Variants in SAMD5 observed in about 807,000 individuals in gnomAD.
The protein encoded by SAMD5 is sterile alpha motif domain-containing protein 5.
A neutral mutation model predicts 11.3 loss-of-function variants in SAMD5; 13 were observed. That is an observed-to-expected ratio of 1.15 (90% CI 0.75 to 1.83). SAMD5 has a LOEUF of 1.83. SAMD5 is among the 40% of genes most tolerant of loss of function. The pLI is 0.00. For synonymous variants in SAMD5, 129 were observed against 111.3 expected (o/e 1.16, Z -1.00); for missense variants, 255 against 239.1 (o/e 1.07, Z -0.44).
the SAMD5 span, among the ~76,000 whole-genome samples, chr6:147,766,450 G>T: frequency 6.6e-6 from 1 of 152,104 alleles, no homozygotes; most frequent in Non-Finnish European, 1.5e-5. Flanking sequence ...AAGAGAAAAT[G>T]AGCCATTCAT....
At chr6:147,801,231 T>G in the SAMD5 span, among the ~76,000 whole-genome samples, 1 of 152,192 alleles carries the variant, frequency 6.6e-6, no homozygotes, top group African/African-American at 2.4e-5. Context: ...TGGTTTTACT[T>G]TATGGAATCC....
the SAMD5 span, among the ~76,000 whole-genome samples, chr6:147,816,302 ATAT>A: frequency 0.014 from 613 of 43,244 alleles, 13 homozygotes; most frequent in Non-Finnish European, 0.018. Flanking sequence ...AAAAAAAAAA[ATAT>A]ATATATATAT....
the SAMD5 span, among the ~76,000 whole-genome samples, chr6:147,867,045 C>G: frequency 6.6e-6 from 1 of 152,068 alleles, no homozygotes; most frequent in South Asian, 2.1e-4. Flanking sequence ...AAGATCCAAG[C>G]TAGGAAAAGG....
At chr6:147,931,277 G>A in the SAMD5 span, among the ~76,000 whole-genome samples, 1 of 152,108 alleles carries the variant, frequency 6.6e-6, no homozygotes, top group Admixed American at 6.6e-5. Flanking sequence ...GTAACTCTGG[G>A]TTGGTTATGA....
the SAMD5 span, among the ~76,000 whole-genome samples, chr6:147,909,626 T>TTC: frequency 7.3e-4 from 43 of 59,222 alleles, no homozygotes; most frequent in Middle Eastern, 5.4e-3. Context: ...CTTTCTTTCT[T>TTC]TCTTTCTCTT....
chr6:147,735,655 ATT>A (rs10710756), intron 1 of SAMD5, among the ~76,000 whole-genome samples: 21 of 147,766 alleles, frequency 1.4e-4, no homozygotes, highest in African/African-American at 4.7e-4. Context: ...CTATTTTACT[ATT>A]TTTTTTTTTT....
the SAMD5 span, among the ~76,000 whole-genome samples, chr6:147,776,973 G>C: frequency 1.3e-5 from 2 of 152,150 alleles, no homozygotes; most frequent in African/African-American, 2.4e-5. Flanking sequence ...AGATATGCCT[G>C]CAGCACATTC....
chr6:147,562,652 C>T (rs569774518), intron 1 of SAMD5, among the ~76,000 whole-genome samples: 52 of 152,244 alleles, frequency 3.4e-4, no homozygotes, highest in African/African-American at 1.2e-3. Flanking sequence ...GAAACTCCGT[C>T]TCTACTAAAA....
the SAMD5 span, among the ~76,000 whole-genome samples, chr6:147,831,342 T>A: frequency 3.5e-4 from 54 of 152,366 alleles, no homozygotes; most frequent in African/African-American, 1.3e-3. Flanking sequence ...TATTTGAGCA[T>A]ATGTGAATGG....
chr6:147,611,425 T>C lies in SAMD5; in HGVS notation c.162+102038T>C, dbSNP rs550281298. On this transcript the variant is annotated intron_variant, in intron 1 of 1. Coordinates refer to the SAMD5 transcript ENST00000566741. ...TAAAAATAGAAAAATTAGCCAGGCA[T>C]GGTGGTGCGCGCCTGTAATCCCAGC... Among the ~76,000 whole-genome samples the C allele has an allele frequency of 7.9e-5, 12 of 151,914 alleles. No homozygotes were observed. In the East Asian group the frequency reaches 2.3e-3, roughly 30 times the overall value.
chr6:147,680,443 C>G (rs1790925366), intron 1 of SAMD5, among the ~76,000 whole-genome samples: 2 of 152,110 alleles, frequency 1.3e-5, no homozygotes, highest in South Asian at 4.1e-4. Flanking sequence ...TTTACACACC[C>G]ATGGACAGGT....
chr6:147,556,254 G>A (rs1272559463), intron 1 of SAMD5, among the ~76,000 whole-genome samples: 6 of 152,012 alleles, frequency 3.9e-5, no homozygotes, highest in East Asian at 1.9e-4. Flanking sequence ...CACCACGCCC[G>A]GCTAATTTTT....
chr6:147,581,921 G>A (rs919078489), intron 1 of SAMD5, among the ~76,000 whole-genome samples: 3 of 152,076 alleles, frequency 2.0e-5, no homozygotes, highest in African/African-American at 2.4e-5. Flanking sequence ...AAAAAGAGGG[G>A]TTGGTAGACA....
At chr6:147,723,325 G>A (rs75128659) in intron 1 of SAMD5, among the ~76,000 whole-genome samples, 4,047 of 152,224 alleles carry the variant, frequency 0.027, 175 homozygotes, top group African/African-American at 0.092. Context: ...AGGTCCATGA[G>A]CATTTCCTAC....
intron 1 of SAMD5, among the ~76,000 whole-genome samples, chr6:147,592,304 G>T (rs1789466743): frequency 6.6e-6 from 1 of 152,060 alleles, no homozygotes; most frequent in African/African-American, 2.4e-5. Context: ...TCCCCTAGTG[G>T]CTGCAGAAGG....
At chr6:147,654,926 G>A (rs1379428208) in intron 1 of SAMD5, among the ~76,000 whole-genome samples, 2 of 152,254 alleles carry the variant, frequency 1.3e-5, no homozygotes, top group East Asian at 1.9e-4. Context: ...TGGCAGGCAC[G>A]TCTGGGGTCC....
intron 1 of SAMD5, among the ~76,000 whole-genome samples, chr6:147,639,949 T>C (rs983312337): frequency 6.6e-6 from 1 of 152,120 alleles, no homozygotes; most frequent in Admixed American, 6.6e-5. Context: ...AAGTTATTTT[T>C]AAAGGTAGAG....
the SAMD5 span, among the ~76,000 whole-genome samples, chr6:147,788,382 G>T: frequency 6.6e-6 from 1 of 152,072 alleles, no homozygotes; most frequent in African/African-American, 2.4e-5. Flanking sequence ...TCATATACAT[G>T]AACTTGAATA....
At chr6:147,536,461 G>GT (rs1328200094) in intron 1 of SAMD5, among the ~76,000 whole-genome samples, 7 of 151,994 alleles carry the variant, frequency 4.6e-5, no homozygotes, top group Non-Finnish European at 8.8e-5. Flanking sequence ...AAAGAAATAA[G>GT]TTTTTTTGAC....
Sources: gnomAD v4.1 joint callset for allele counts (sites outside exome capture counted in the v4.1 genomes callset) on GRCh38, gnomAD v4.1.1 for gene constraint, MANE v1.5 for transcripts, NCBI Gene and HGNC (gene_info 2026-07-23, HGNC 2026-07-21) for gene names.